CHST11: variants seen among roughly 807,000 people sequenced by gnomAD.
The protein encoded by CHST11 is carbohydrate sulfotransferase 11.
In CHST11, 9 loss-of-function variants were observed where a neutral mutation model predicts 30.4. The ratio of observed to expected loss-of-function variants is 0.30; its 90% CI spans 0.18 to 0.52. The LOEUF is 0.52. CHST11 is among the 20% of genes least tolerant of loss of function. The pLI is 0.97. For missense variants in CHST11, 348 were observed against 460.6 expected, an observed-to-expected ratio of 0.76 and a Z score of 2.24; for synonymous variants, 152 against 187.8, an observed-to-expected ratio of 0.81 and a Z score of 1.56.
chr12:104,498,462 A>C (rs919159020), intron 1 of CHST11, among the ~76,000 whole-genome samples: 6 of 152,182 alleles, frequency 3.9e-5, no homozygotes, highest in African/African-American at 1.4e-4. Context: ...GGGGAATTTT[A>C]AACTGTCAGT....
chr12:104,614,815 G>T (rs1471142747), intron 2 of CHST11, among the ~76,000 whole-genome samples: 1 of 152,026 alleles, frequency 6.6e-6, no homozygotes, highest in Non-Finnish European at 1.5e-5. Flanking sequence ...TCTGGCCAAG[G>T]TGAGAGGGGA....
At chr12:104,557,810 G>A (rs35340768) in intron 1 of CHST11, among the ~76,000 whole-genome samples, 4 of 152,160 alleles carry the variant, frequency 2.6e-5, no homozygotes, top group African/African-American at 4.8e-5. Context: ...ATGTGGGAAC[G>A]AAATTAATCC....
intron 2 of CHST11, among the ~76,000 whole-genome samples, chr12:104,686,657 T>G (rs546432232): frequency 2.4e-4 from 37 of 152,334 alleles, no homozygotes; most frequent in African/African-American, 7.9e-4. Context: ...GTTTTGTTTG[T>G]TTGGTTGGAG....
intron 2 of CHST11, among the ~76,000 whole-genome samples, chr12:104,647,429 CAGAA>C (rs1213410985): frequency 1.3e-5 from 2 of 152,014 alleles, no homozygotes; most frequent in African/African-American, 2.4e-5. Flanking sequence ...TTGGAAAACA[CAGAA>C]AGACTGAAAG....
chr12:104,651,143 A>G (rs749612056), intron 2 of CHST11, among the ~76,000 whole-genome samples: 1 of 152,236 alleles, frequency 6.6e-6, no homozygotes, highest in East Asian at 1.9e-4. Context: ...GTCCAAAGCC[A>G]TCCAGCACAT....
intron 2 of CHST11, among the ~76,000 whole-genome samples, chr12:104,639,435 C>T (rs2039354897): frequency 1.3e-5 from 2 of 152,146 alleles, no homozygotes; most frequent in African/African-American, 4.8e-5. Flanking sequence ...ATTAGTTTGC[C>T]TACACACAGT....
At chr12:104,702,866 C>T (rs889462399) in intron 2 of CHST11, among the ~76,000 whole-genome samples, 1 of 152,176 alleles carries the variant, frequency 6.6e-6, no homozygotes, top group African/African-American at 2.4e-5. Context: ...GATTGGACGC[C>T]GTTCAGATCT....
At chr12:104,503,208 C>T (rs186084355) in intron 1 of CHST11, among the ~76,000 whole-genome samples, 50 of 152,336 alleles carry the variant, frequency 3.3e-4, no homozygotes, top group African/African-American at 1.2e-3. Flanking sequence ...AGATCTGCTG[C>T]TGCCTGGCTG....
chr12:104,719,020 C>T (rs80347013), intron 2 of CHST11, among the ~76,000 whole-genome samples: 2,138 of 152,266 alleles, frequency 0.014, 48 homozygotes, highest in African/African-American at 0.049. Flanking sequence ...GGAGGATCAA[C>T]GGCCACTTAG....
chr12:104,479,157 A>G (rs2037592918), intron 1 of CHST11, among the ~76,000 whole-genome samples: 1 of 151,766 alleles, frequency 6.6e-6, no homozygotes. Flanking sequence ...AATTGGTTTA[A>G]GCAAAAAAAA....
intron 1 of CHST11, among the ~76,000 whole-genome samples, chr12:104,494,515 A>G (rs2037780468): frequency 6.6e-6 from 1 of 152,252 alleles, no homozygotes; most frequent in Non-Finnish European, 1.5e-5. Flanking sequence ...GCATTAAAAT[A>G]GAATCCGTTC....
rs148709846 is a variant in CHST11 at position 104,742,025 on chromosome 12, C to G, written c.205-14924C>G. 9.4e-3 allele frequency among the ~76,000 whole-genome samples: 1,430 copies of G among 152,296 alleles called. 23 individuals are homozygous for G. Among genetic ancestry groups the G allele is most frequent in the African/African-American group, 0.032 (1,336 of 41,558 alleles). On this transcript the variant is annotated intron_variant, in intron 2 of 2. Transcript: ENST00000303694. ...CTGCCCCCGGCACTTGGGAAACCAC[C>G]CTCTGTAAGGTTTACAGTAGCTACT...
At chr12:104,528,007 G>C (rs549945468) in intron 1 of CHST11, among the ~76,000 whole-genome samples, 1 of 152,136 alleles carries the variant, frequency 6.6e-6, no homozygotes, top group Non-Finnish European at 1.5e-5. Context: ...CTCCCACCAG[G>C]TTCCTCCCTT....
intron 1 of CHST11, among the ~76,000 whole-genome samples, chr12:104,520,476 C>G (rs2038064153): frequency 6.6e-6 from 1 of 151,964 alleles, no homozygotes; most frequent in Non-Finnish European, 1.5e-5. Context: ...TGCTACTTAG[C>G]CACTTGTGTA....
At chr12:104,602,767 G>T (rs527283857) in intron 2 of CHST11, among the ~76,000 whole-genome samples, 2 of 152,178 alleles carry the variant, frequency 1.3e-5, no homozygotes, top group Non-Finnish European at 2.9e-5. Flanking sequence ...TAGCCGTAGA[G>T]AAAGAGGGAA....
intron 1 of CHST11, among the ~76,000 whole-genome samples, chr12:104,462,894 T>A (rs558186944): frequency 6.6e-6 from 1 of 152,312 alleles, no homozygotes; most frequent in South Asian, 2.1e-4. Context: ...ATGAGACAGA[T>A]GTAGGTGATC....
chr12:104,608,206 G>A (rs1317998108), intron 2 of CHST11, among the ~76,000 whole-genome samples: 2 of 152,098 alleles, frequency 1.3e-5, no homozygotes, highest in African/African-American at 2.4e-5. Context: ...GGTACTAAAA[G>A]CCTTTGATTC....
chr12:104,708,820 G>A (rs1046808934), intron 2 of CHST11, among the ~76,000 whole-genome samples: 7 of 152,226 alleles, frequency 4.6e-5, no homozygotes, highest in Non-Finnish European at 8.8e-5. Context: ...GCTCCAGCAC[G>A]ATGACCCTGT....
At chr12:104,585,098 G>T (rs2038789510) in intron 1 of CHST11, among the ~76,000 whole-genome samples, 1 of 152,208 alleles carries the variant, frequency 6.6e-6, no homozygotes. Context: ...TTGGTCCATG[G>T]ATGCTGCCTG....
Sources: gnomAD v4.1 joint callset for allele counts (sites outside exome capture counted in the v4.1 genomes callset) on GRCh38, gnomAD v4.1.1 for gene constraint, MANE v1.5 for transcripts, NCBI Gene and HGNC (gene_info 2026-07-23, HGNC 2026-07-21) for gene names.